CCDC12: variants seen among roughly 807,000 people sequenced by gnomAD.
The protein encoded by CCDC12 is coiled-coil domain containing 12, also known as coiled-coil domain-containing protein 12.
A neutral mutation model predicts 25.7 loss-of-function variants in CCDC12; 28 were observed. The ratio of observed to expected loss-of-function variants is 1.09; its 90% CI spans 0.81 to 1.50. CCDC12 has a LOEUF of 1.50. Ranked by LOEUF, CCDC12 falls within the 40% of genes most tolerant of loss-of-function variation. The pLI, the probability that CCDC12 is intolerant of heterozygous loss-of-function variation, is 0.00. For missense variants in CCDC12, 198 were observed against 210.0 expected, an observed-to-expected ratio of 0.94 and a Z score of 0.35; for synonymous variants, 75 against 87.7, an observed-to-expected ratio of 0.86 and a Z score of 0.81.
intron 1 of CCDC12, among the ~76,000 whole-genome samples, chr3:46,961,841 C>T (rs1004107293): frequency 6.6e-6 from 1 of 152,112 alleles, no homozygotes; most frequent in East Asian, 1.9e-4. Context: ...ACAGTGCATG[C>T]CAATTAAGTC....
At chr3:46,963,613 A>G (rs1653826018) in intron 1 of CCDC12, among the ~76,000 whole-genome samples, 2 of 151,922 alleles carry the variant, frequency 1.3e-5, no homozygotes, top group African/African-American at 4.8e-5. Flanking sequence ...GCGCCGCCAC[A>G]CCTGACTGGT....
At chr3:46,940,813 G>A (rs2033670151) in intron 2 of CCDC12, 185 bp downstream of exon 2, 1 of 626,096 alleles carries the variant, frequency 1.6e-6, no homozygotes, top group African/African-American at 1.8e-5. Context: ...AAAGGAGGCA[G>A]AGAAGGCCTC....
At chr3:46,936,279 T>C (rs1211432442) in intron 2 of CCDC12, among the ~76,000 whole-genome samples, 1 of 152,254 alleles carries the variant, frequency 6.6e-6, no homozygotes, top group Non-Finnish European at 1.5e-5. Flanking sequence ...TTTCCTTATT[T>C]CTACTCCCAT....
chr3:46,979,731 C>T, upstream of CCDC12: 2 of 314,520 alleles, frequency 6.4e-6, no homozygotes, highest in Non-Finnish European at 5.8e-6. Flanking sequence ...CGCAGACTTC[C>T]CCAGTAGTAC....
At chr3:46,946,124 A>C (rs1156420694) in intron 1 of CCDC12, among the ~76,000 whole-genome samples, 1 of 152,226 alleles carries the variant, frequency 6.6e-6, no homozygotes, top group Non-Finnish European at 1.5e-5. Flanking sequence ...GGAGGGAGGA[A>C]GAAGAGAGGC....
intron 2 of CCDC12, among the ~76,000 whole-genome samples, 164 bp from the exon 3 acceptor site, chr3:46,925,699 G>A (rs1023088290): frequency 7.9e-5 from 12 of 152,214 alleles, no homozygotes; most frequent in Non-Finnish European, 1.0e-4. Context: ...TCATCAGGCA[G>A]GCCCCTTGGC....
At chr3:46,947,266 CA>C (rs2033942510) in intron 1 of CCDC12, among the ~76,000 whole-genome samples, 1 of 152,218 alleles carries the variant, frequency 6.6e-6, no homozygotes, top group African/African-American at 2.4e-5. Flanking sequence ...GAGATGGGCA[CA>C]TAGTGCCTGA....
chr3:46,957,631 G>A (rs574977920), intron 1 of CCDC12, among the ~76,000 whole-genome samples: 53 of 152,254 alleles, frequency 3.5e-4, no homozygotes, highest in Non-Finnish European at 1.5e-5. Context: ...AGTACTGACT[G>A]AGTAGCTAGG....
At chr3:46,925,232 G>T in intron 3 of CCDC12, 1 of 692,412 alleles carries the variant, frequency 1.4e-6, no homozygotes, top group Non-Finnish European at 2.6e-6. Context: ...CAGGGTGTGA[G>T]CAGGACTGAG....
At chr3:46,938,280 T>C (rs1413006907) in intron 2 of CCDC12, among the ~76,000 whole-genome samples, 5 of 152,178 alleles carry the variant, frequency 3.3e-5, no homozygotes, top group African/African-American at 4.8e-5. Flanking sequence ...CCACTACAAA[T>C]GACCTGTAAG....
chr3:46,949,825 G>C (rs146716350), intron 1 of CCDC12, among the ~76,000 whole-genome samples: 1 of 152,020 alleles, frequency 6.6e-6, no homozygotes, highest in Non-Finnish European at 1.5e-5. Context: ...TCAGGAGTTC[G>C]AGACCAGCCT....
In CCDC12 at chr3:46,922,108, T is replaced by C. The variant is rs1174522936; in HGVS notation, c.450A>G (p.Leu150=). The C allele has an allele frequency of 6.2e-7, 1 of 1,614,262 alleles. No homozygotes were observed. Among genetic ancestry groups the C allele is most frequent in the South Asian group, 1.1e-5 (1 of 91,088 alleles). ...CGGTGGCAGCATCCACTGCAGAGGCTAGGCTGTCTTCCTGGCCTTTCAGCC... is the reference window on the plus strand; with the variant it reads ...CGGTGGCAGCATCCACTGCAGAGGCCAGGCTGTCTTCCTGGCCTTTCAGCC... ...RERLKGQEDS[L]ASAVDAATEQ... The change falls in exon 7 of 7, where the codon CTA becomes CTG. Residue 150 remains leucine (L), a synonymous_variant. Coordinates refer to ENST00000683445, the MANE Select transcript of CCDC12 (RefSeq NM_001277074.2).
intron 2 of CCDC12, among the ~76,000 whole-genome samples, chr3:46,938,690 T>C (rs190416242): frequency 6.6e-6 from 1 of 151,770 alleles, no homozygotes; most frequent in East Asian, 1.9e-4. Flanking sequence ...GTTGTTTTTG[T>C]ACCAAAAATT....
At chr3:46,981,214 G>A (rs1425625570), upstream of CCDC12, among the ~76,000 whole-genome samples, 1 of 152,132 alleles carries the variant, frequency 6.6e-6, no homozygotes, top group African/African-American at 2.4e-5. Context: ...GGAGGCCGAG[G>A]CGGGCAGATC....
chr3:46,938,996 T>C (rs1353932147), intron 2 of CCDC12, among the ~76,000 whole-genome samples: 12 of 152,206 alleles, frequency 7.9e-5, no homozygotes, highest in Non-Finnish European at 5.9e-5. Flanking sequence ...CACCTGACAC[T>C]GTATCACACG....
chr3:46,967,230 G>A (rs958778888), intron 1 of CCDC12, among the ~76,000 whole-genome samples: 9 of 151,944 alleles, frequency 5.9e-5, no homozygotes, highest in Admixed American at 1.3e-4. Context: ...CTGTCTGTGC[G>A]CACTGCCTCA....
chr3:46,979,010 G>A (rs2035116927), upstream of CCDC12, among the ~76,000 whole-genome samples: 1 of 152,106 alleles, frequency 6.6e-6, no homozygotes, highest in Non-Finnish European at 1.5e-5. Flanking sequence ...AGAGCCATGA[G>A]GCACCCACCT....
intron 1 of CCDC12, among the ~76,000 whole-genome samples, chr3:46,945,806 C>A (rs1001733542): frequency 6.6e-6 from 1 of 152,212 alleles, no homozygotes; most frequent in African/African-American, 2.4e-5. Context: ...ATATTGTTCT[C>A]TTAATAGCCT....
At chr3:46,929,963 A>C (rs1465657251) in intron 2 of CCDC12, among the ~76,000 whole-genome samples, 1 of 141,450 alleles carries the variant, frequency 7.1e-6, no homozygotes, top group Non-Finnish European at 1.5e-5. Flanking sequence ...CCTGGGAGGC[A>C]GAGGTTGCAG....
Sources: allele counts gnomAD v4.1 joint callset (sites outside exome capture counted in the v4.1 genomes callset), GRCh38; gene constraint gnomAD v4.1.1; transcripts MANE v1.5; gene names NCBI Gene and HGNC (gene_info 2026-07-23, HGNC 2026-07-21).